The following COL25A1 variants were observed in gnomAD, a reference collection of about 807,000 sequenced individuals.
COL25A1 encodes collagen alpha-1(XXV) chain.
In COL25A1, 103 loss-of-function variants were observed where a neutral mutation model predicts 128.4. The observed-to-expected ratio is 0.80, with a 90% CI of 0.68 to 0.94. The LOEUF is 0.94. COL25A1 is among the 40% of genes least tolerant of loss of function. COL25A1 has a pLI of 0.00. For synonymous variants in COL25A1, 279 were observed against 277.2 expected (o/e 1.01, Z -0.06); for missense variants, 745 against 840.0 (o/e 0.89, Z 1.40).
intron 8 of COL25A1, among the ~76,000 whole-genome samples, chr4:108,968,969 C>T (rs931738595): frequency 4.6e-5 from 7 of 152,058 alleles, no homozygotes; most frequent in Admixed American, 6.6e-5. Flanking sequence ...TTCACCTCAG[C>T]GTCTTTCCAT....
intron 3 of COL25A1, among the ~76,000 whole-genome samples, chr4:109,193,893 T>A (rs935959148): frequency 1.3e-5 from 2 of 152,200 alleles, no homozygotes; most frequent in Non-Finnish European, 2.9e-5. Context: ...GGATACTGCA[T>A]AATCAACTTG....
chr4:108,933,742 T>A (rs1216725751), intron 11 of COL25A1, among the ~76,000 whole-genome samples: 2 of 152,078 alleles, frequency 1.3e-5, no homozygotes, highest in Non-Finnish European at 2.9e-5. Flanking sequence ...ACAGGAATTA[T>A]TACCTACATT....
chr4:109,016,190 G>A (rs1372338848), intron 5 of COL25A1, among the ~76,000 whole-genome samples: 2 of 152,236 alleles, frequency 1.3e-5, no homozygotes, highest in East Asian at 1.9e-4. Context: ...CTGCTCCAGG[G>A]TGGAGCAAAG....
At chr4:109,004,415 A>T (rs77920757) in intron 6 of COL25A1, among the ~76,000 whole-genome samples, 391 of 20,138 alleles carry the variant, frequency 0.019, 1 homozygote, top group South Asian at 0.13. Context: ...TTTTTTTTTT[A>T]ACTCTCTAAG....
intron 16 of COL25A1, among the ~76,000 whole-genome samples, chr4:108,893,009 G>T (rs1347103863): frequency 2.0e-5 from 3 of 152,184 alleles, no homozygotes; most frequent in Non-Finnish European, 4.4e-5. Context: ...GGGTGGGATA[G>T]GCCTTCAGGT....
At chr4:109,264,088 G>A (rs997197204) in intron 3 of COL25A1, among the ~76,000 whole-genome samples, 1 of 152,182 alleles carries the variant, frequency 6.6e-6, no homozygotes, top group Non-Finnish European at 1.5e-5. Context: ...TCGGATTTCT[G>A]TGAAAGCATA....
At chr4:109,256,120 GTT>G (rs1491262367) in intron 3 of COL25A1, among the ~76,000 whole-genome samples, 6 of 151,090 alleles carry the variant, frequency 4.0e-5, no homozygotes, top group South Asian at 2.1e-4. Context: ...GTGTGTGTGT[GTT>G]TGAGTACAAA....
chr4:109,182,239 G>T lies in COL25A1; in HGVS notation c.367+118344C>A, dbSNP rs79219869. ...AGCAGTGGGATTGCTGAATTATGTGGTAGTTTGACTTAATTTTTTGAGGAA... is the reference window on the plus strand; with the variant it reads ...AGCAGTGGGATTGCTGAATTATGTGTTAGTTTGACTTAATTTTTTGAGGAA... On this transcript the variant is annotated intron_variant, in intron 3 of 37. Coordinates refer to ENST00000399132, the MANE Select transcript of COL25A1 (RefSeq NM_198721.4). 1.3e-3 allele frequency among the ~76,000 whole-genome samples: 196 copies of T among 152,188 alleles called. 5 individuals are homozygous for T. In the East Asian group the frequency reaches 0.033, roughly 25 times the overall value.
At chr4:109,169,419 T>G (rs1773379522) in intron 3 of COL25A1, among the ~76,000 whole-genome samples, 4 of 152,208 alleles carry the variant, frequency 2.6e-5, no homozygotes, top group Admixed American at 2.6e-4. Context: ...TGTATTCCCT[T>G]TTCCTTCACT....
chr4:108,889,740 C>T lies in COL25A1; in HGVS notation c.907-7G>A, dbSNP rs769769161. On this transcript the variant is annotated splice_region_variant and splice_polypyrimidine_tract_variant and intron_variant, in intron 16 of 37. Transcript: ENST00000399132. ...CAGATGATCCAGGGTCACCCTAAAA[C>T]GAAACCCAGGAGAGATTATCTCACA... 9.9e-6 allele frequency: 16 copies of T among 1,612,778 alleles called. No homozygotes were observed. Among genetic ancestry groups the T allele is most frequent in the Middle Eastern group, 1.6e-4 (1 of 6,080 alleles).
chr4:109,082,513 T>C (rs941267829), intron 3 of COL25A1, among the ~76,000 whole-genome samples: 19 of 152,216 alleles, frequency 1.2e-4, no homozygotes, highest in South Asian at 2.1e-4. Context: ...TAGTATTTCA[T>C]TGGGGTTTTC....
chr4:109,087,439 C>T (rs1273014728), intron 3 of COL25A1, among the ~76,000 whole-genome samples: 2 of 152,132 alleles, frequency 1.3e-5, no homozygotes, highest in African/African-American at 4.8e-5. Context: ...CACGGCCTAA[C>T]TCATGCCTTG....
At chr4:108,901,194 C>T (rs1402365826) in intron 13 of COL25A1, 22 bp from the exon 14 acceptor site, 1 of 1,573,606 alleles carries the variant, frequency 6.4e-7, no homozygotes, top group African/African-American at 1.4e-5. Flanking sequence ...AAAATAGATA[C>T]TACTAAGTAA....
At position 108,870,334 on chromosome 4, in the gene COL25A1, A is replaced by G. The variant is rs191537436; in HGVS notation, c.1021-1184T>C. On this transcript the variant is annotated intron_variant, in intron 19 of 37. Transcript: ENST00000399132. Reference sequence around the variant, plus strand: ...AGTCAATTTTTTTAATATGCTATAAAAAACCTTGGGTATTGGGTGGGGAAC... The same window carrying G: ...AGTCAATTTTTTTAATATGCTATAAGAAACCTTGGGTATTGGGTGGGGAAC... 9.2e-5 allele frequency among the ~76,000 whole-genome samples: 14 copies of G among 152,266 alleles called. No homozygotes were observed. In the East Asian group the frequency reaches 2.7e-3, roughly 29 times the overall value.
intron 3 of COL25A1, among the ~76,000 whole-genome samples, chr4:109,248,508 C>T (rs115106724): frequency 1.6e-3 from 248 of 152,278 alleles, no homozygotes; most frequent in African/African-American, 5.5e-3. Context: ...ACTCTGCTTG[C>T]CTCCGCTGAC....
chr4:109,171,792 C>T (rs1044618248), intron 3 of COL25A1, among the ~76,000 whole-genome samples: 5 of 152,082 alleles, frequency 3.3e-5, no homozygotes, highest in South Asian at 4.1e-4. Context: ...TAAGATAATC[C>T]GTTTTCTACA....
chr4:108,992,509 C>G lies in COL25A1; in HGVS notation c.438+17849G>C, dbSNP rs186294548. On this transcript the variant is annotated intron_variant, in intron 6 of 37. Transcript: ENST00000399132. ...AGGAATGTGTGGTTATACACAACCA[C>G]CATGAACTATTTTCTATGATAGTCC... 2.7e-4 allele frequency among the ~76,000 whole-genome samples: 41 copies of G among 152,254 alleles called. No homozygotes were observed. In the Middle Eastern group the frequency reaches 0.01, roughly 38 times the overall value.
chr4:109,141,095 T>G (rs1770354262), intron 3 of COL25A1, among the ~76,000 whole-genome samples: 1 of 152,080 alleles, frequency 6.6e-6, no homozygotes, highest in Admixed American at 6.5e-5. Context: ...CTAATTATTT[T>G]GAGATATGTT....
At chr4:109,039,731 T>C (rs1216038907) in intron 5 of COL25A1, among the ~76,000 whole-genome samples, 2 of 152,212 alleles carry the variant, frequency 1.3e-5, no homozygotes, top group African/African-American at 4.8e-5. Flanking sequence ...GAGGGTGTGG[T>C]ATGTATTAAG....
Sources: allele counts gnomAD v4.1 joint callset (sites outside exome capture counted in the v4.1 genomes callset), GRCh38; gene constraint gnomAD v4.1.1; transcripts MANE v1.5; gene names NCBI Gene and HGNC (gene_info 2026-07-23, HGNC 2026-07-21).